Variants in MAOB observed in about 807,000 individuals in gnomAD.
The protein encoded by MAOB is amine oxidase [flavin-containing] B.
A neutral mutation model predicts 41.9 loss-of-function variants in MAOB; 15 were observed. The ratio of observed to expected loss-of-function variants is 0.36; its 90% confidence interval spans 0.24 to 0.55. MAOB has a LOEUF of 0.55. Ranked by LOEUF, MAOB falls within the 20% of genes least tolerant of loss-of-function variation. MAOB has a pLI of 0.86. For missense variants in MAOB, 345 were observed against 398.7 expected (o/e 0.87, Z 1.15); for synonymous variants, 167 against 144.2 (o/e 1.16, Z -1.13).
intron 1 of MAOB, among the ~76,000 whole-genome samples, chrX:43,845,964 C>A (rs1211893107): frequency 8.9e-6 from 1 of 112,004 alleles, no homozygotes; most frequent in Non-Finnish European, 1.9e-5. Flanking sequence ...GATAACAGTT[C>A]CAAAGTCCAT....
chrX:43,878,254 T>C (rs1191228901), intron 1 of MAOB, among the ~76,000 whole-genome samples: 2 of 111,410 alleles, frequency 1.8e-5, no homozygotes, highest in Non-Finnish European at 3.8e-5. Context: ...CCTCCCAGTC[T>C]TTTTTTATAG....
At chrX:43,790,631 G>A (rs1249786435) in intron 8 of MAOB, among the ~76,000 whole-genome samples, 2 of 110,253 alleles carry the variant, frequency 1.8e-5, no homozygotes, top group Non-Finnish European at 3.8e-5. Context: ...TGTTGCCCAG[G>A]CTGAAGTTCA....
intron 3 of MAOB, among the ~76,000 whole-genome samples, chrX:43,833,790 T>C (rs958034307): frequency 8.9e-6 from 1 of 112,129 alleles, no homozygotes; most frequent in South Asian, 3.7e-4. Context: ...GATTGTACCA[T>C]ATTTTAAGTT....
intron 7 of MAOB, among the ~76,000 whole-genome samples, chrX:43,795,355 C>A (rs2034514034): frequency 8.9e-6 from 1 of 112,295 alleles, no homozygotes; most frequent in South Asian, 3.8e-4. Flanking sequence ...AGCTTTCATG[C>A]CCTCCCCAGG....
intron 3 of MAOB, among the ~76,000 whole-genome samples, chrX:43,817,628 C>T (rs1393977350): frequency 8.9e-6 from 1 of 111,813 alleles, no homozygotes; most frequent in Non-Finnish European, 1.9e-5. Flanking sequence ...ACTCCAAAGT[C>T]CTTTCCATGG....
chrX:43,833,843 T>C (rs1442438782), intron 3 of MAOB, among the ~76,000 whole-genome samples: 3 of 111,908 alleles, frequency 2.7e-5, no homozygotes, highest in Non-Finnish European at 5.6e-5. Flanking sequence ...TCATCTCATA[T>C]CCTAAATGTT....
chrX:43,836,636 G>A (rs944655197), intron 3 of MAOB, among the ~76,000 whole-genome samples: 12 of 111,978 alleles, frequency 1.1e-4, no homozygotes. Flanking sequence ...TAGCAATACA[G>A]GAATACGAAA....
intron 1 of MAOB, among the ~76,000 whole-genome samples, chrX:43,862,090 T>A (rs1222601877): frequency 9.0e-6 from 1 of 111,541 alleles, no homozygotes; most frequent in Non-Finnish European, 1.9e-5. Flanking sequence ...AAGAAGTAAA[T>A]CCTTTGCCAA....
chrX:43,778,624 C>A (rs996211711), intron 11 of MAOB, 58 bp downstream of exon 11: 27 of 962,811 alleles, frequency 2.8e-5, no homozygotes, highest in Non-Finnish European at 3.8e-5. Context: ...CCCTGCTAGT[C>A]ACTTGGGGAC....
intron 1 of MAOB, among the ~76,000 whole-genome samples, chrX:43,851,891 G>A: frequency 8.9e-6 from 1 of 111,863 alleles, no homozygotes; most frequent in Non-Finnish European, 1.9e-5. Flanking sequence ...TGATGCCAAA[G>A]CCTGGCCCTG....
chrX:43,790,520 T>C (rs770979862), intron 8 of MAOB, among the ~76,000 whole-genome samples: 1 of 111,876 alleles, frequency 8.9e-6, no homozygotes, highest in African/African-American at 3.2e-5. Flanking sequence ...GTTGAAGAAA[T>C]ACATTAAAGT....
At chrX:43,812,199 T>C (rs2034755823) in intron 3 of MAOB, among the ~76,000 whole-genome samples, 1 of 112,595 alleles carries the variant, frequency 8.9e-6, no homozygotes, top group Non-Finnish European at 1.9e-5. Flanking sequence ...GGCTGTATAG[T>C]ACTTCATAGT....
At chrX:43,843,932 T>C (rs1602021817) in intron 1 of MAOB, 168 bp from the exon 2 acceptor site, 3 of 983,532 alleles carry the variant, frequency 3.1e-6, no homozygotes, top group Non-Finnish European at 3.8e-6. Flanking sequence ...GAGTCTGATG[T>C]TTCTGGAAAC....
rs190636944 is a variant in MAOB at position 43,766,794 on chromosome X, T to C, written c.*672A>G. On this transcript the variant is annotated 3_prime_UTR_variant, in exon 15 of 15. Transcript: ENST00000378069. ...TATATACTGAGTAGCATTTGAGAAG[T>C]GTAAGACAACTTAGCACAGAGTAAA... 9.0e-6 allele frequency: 1 copy of C among 111,685 alleles called. No individual in the cohort carries two copies. The highest frequency in any genetic ancestry group is 9.5e-5 in the Admixed American group (1 of 10,493). The allele number at this position is 111,685 out of a possible 1,213,427, so 9.2% of individuals were successfully genotyped here.
chrX:43,797,363 T>C (rs1404070543), intron 5 of MAOB, 97 bp from the exon 6 acceptor site: 3 of 698,935 alleles, frequency 4.3e-6, no homozygotes, highest in Non-Finnish European at 5.8e-6. Flanking sequence ...CTTGGTTAAG[T>C]TTAAAACAAT....
intron 9 of MAOB, among the ~76,000 whole-genome samples, chrX:43,780,604 C>T (rs1357001432): frequency 4.5e-5 from 5 of 111,921 alleles, no homozygotes; most frequent in Admixed American, 9.5e-5. Flanking sequence ...AGGAATCAAG[C>T]GACTAAAAGT....
intron 1 of MAOB, among the ~76,000 whole-genome samples, chrX:43,879,151 T>C (rs1352821748): frequency 8.9e-6 from 1 of 111,888 alleles, no homozygotes; most frequent in Non-Finnish European, 1.9e-5. Flanking sequence ...CTGGAGATGA[T>C]CTGCCCCTTG....
chrX:43,822,088 A>G lies in MAOB; in HGVS notation c.279+16780T>C, dbSNP rs544243198. ...ATCCTCGAATTTATCCAAGCACAAC[A>G]TGTTTTCTCTTCTCCATTGAATAAC... On this transcript the variant is annotated intron_variant, in intron 3 of 14. Transcript: ENST00000378069. 1.2e-4 allele frequency among the ~76,000 whole-genome samples: 14 copies of G among 112,042 alleles called. No homozygotes were observed. In the South Asian group the frequency reaches 4.8e-3, roughly 38 times the overall value.
At chrX:43,777,437 T>G (rs2034273973) in intron 11 of MAOB, among the ~76,000 whole-genome samples, 1 of 111,461 alleles carries the variant, frequency 9.0e-6, no homozygotes. Context: ...TCTCTAATTG[T>G]TCTAGTTTAT....
Sources: gnomAD v4.1 joint callset for allele counts (sites outside exome capture counted in the v4.1 genomes callset) on GRCh38, gnomAD v4.1.1 for gene constraint, MANE v1.5 for transcripts, NCBI Gene and HGNC (gene_info 2026-07-23, HGNC 2026-07-21) for gene names.